Variants in THRB observed in about 807,000 individuals in gnomAD.
THRB encodes the protein nuclear receptor subfamily 1 group A member 2.
In THRB, 12 loss-of-function variants were observed where a neutral mutation model predicts 47.8. The observed-to-expected ratio is 0.25, with a 90% CI of 0.16 to 0.41. THRB has a LOEUF of 0.41. Among genes scored for constraint, THRB ranks in the 10% least tolerant of loss-of-function variants. The pLI is 1.00. For synonymous variants in THRB, 218 were observed against 212.2 expected (o/e 1.03, Z -0.24); for missense variants, 348 against 589.2 (o/e 0.59, Z 4.24).
At chr3:24,199,308 G>C (rs868489906) in intron 4 of THRB, among the ~76,000 whole-genome samples, 2 of 152,140 alleles carry the variant, frequency 1.3e-5, no homozygotes, top group Admixed American at 6.5e-5. Flanking sequence ...GCAAAGTCTT[G>C]CAAAATTAGC....
At chr3:24,329,921 T>G (rs1265919173) in intron 2 of THRB, among the ~76,000 whole-genome samples, 3 of 152,254 alleles carry the variant, frequency 2.0e-5, no homozygotes, top group African/African-American at 7.2e-5. Context: ...CAATGGAACC[T>G]AAGACACTGT....
intron 9 of THRB, among the ~76,000 whole-genome samples, chr3:24,129,514 G>A (rs2033475494): frequency 6.6e-6 from 1 of 152,220 alleles, no homozygotes; most frequent in Non-Finnish European, 1.5e-5. Context: ...AATACCAACT[G>A]TTGAAGATTA....
At chr3:24,391,708 C>T (rs1344761492) in intron 1 of THRB, among the ~76,000 whole-genome samples, 1 of 151,930 alleles carries the variant, frequency 6.6e-6, no homozygotes, top group Non-Finnish European at 1.5e-5. Context: ...TCAGCTGGTC[C>T]GTCCTCCATT....
chr3:24,330,326 A>C (rs538711326), intron 2 of THRB, among the ~76,000 whole-genome samples: 150 of 152,326 alleles, frequency 9.8e-4, no homozygotes, highest in African/African-American at 3.5e-3. Flanking sequence ...ATAAAAAAAA[A>C]AAGATTTCAT....
At chr3:24,354,365 A>C (rs374563705) in intron 1 of THRB, among the ~76,000 whole-genome samples, 8 of 152,294 alleles carry the variant, frequency 5.3e-5, no homozygotes, top group African/African-American at 1.7e-4. Flanking sequence ...TGTACCCTTG[A>C]ACTTAAGATA....
intron 3 of THRB, among the ~76,000 whole-genome samples, chr3:24,267,044 T>G (rs2052736130): frequency 6.7e-6 from 1 of 150,274 alleles, no homozygotes; most frequent in Non-Finnish European, 1.5e-5. Flanking sequence ...TTAAATAAAA[T>G]AAGATTAAAA....
intron 1 of THRB, among the ~76,000 whole-genome samples, chr3:24,474,219 G>A (rs1577849995): frequency 6.6e-6 from 1 of 151,816 alleles, no homozygotes; most frequent in Admixed American, 6.6e-5. Flanking sequence ...AATTTTCCTG[G>A]TTAACTGTTA....
chr3:24,415,178 T>G (rs2068638262), intron 1 of THRB, among the ~76,000 whole-genome samples: 1 of 151,860 alleles, frequency 6.6e-6, no homozygotes, highest in South Asian at 2.1e-4. Context: ...CTTCCAGTAA[T>G]GCAACTTGCT....
chr3:24,393,218 C>G (rs1326049902), intron 1 of THRB, among the ~76,000 whole-genome samples: 1 of 152,046 alleles, frequency 6.6e-6, no homozygotes, highest in Non-Finnish European at 1.5e-5. Flanking sequence ...TTCAGGGAGG[C>G]CCATGAAAGA....
At chr3:24,458,935 A>T (rs997066136) in intron 1 of THRB, 1 of 150,838 alleles carries the variant, frequency 6.6e-6, no homozygotes, top group South Asian at 2.1e-4. Context: ...ATATTTATGT[A>T]TTTATTATTT....
At chr3:24,183,991 C>T (rs922862134) in intron 5 of THRB, among the ~76,000 whole-genome samples, 17 of 152,074 alleles carry the variant, frequency 1.1e-4, no homozygotes, top group African/African-American at 2.2e-4. Context: ...CTTCTTATTC[C>T]GCCCTTTTCT....
intron 1 of THRB, among the ~76,000 whole-genome samples, chr3:24,360,150 A>G (rs2063962858): frequency 6.6e-6 from 1 of 152,092 alleles, no homozygotes; most frequent in Non-Finnish European, 1.5e-5. Flanking sequence ...AGCAACATTT[A>G]TTGATTATCT....
chr3:24,310,983 C>T (rs2057717799), intron 2 of THRB, among the ~76,000 whole-genome samples: 2 of 152,098 alleles, frequency 1.3e-5, no homozygotes, highest in Admixed American at 6.6e-5. Flanking sequence ...GGGATGATGT[C>T]ACAGACATTA....
intron 5 of THRB, among the ~76,000 whole-genome samples, chr3:24,177,343 C>T (rs977010451): frequency 3.4e-4 from 52 of 152,166 alleles, no homozygotes; most frequent in African/African-American, 1.2e-3. Context: ...TCATTGCAAG[C>T]CTAGACTCGA....
At chr3:24,331,089 A>G (rs2061896256) in intron 2 of THRB, among the ~76,000 whole-genome samples, 1 of 152,128 alleles carries the variant, frequency 6.6e-6, no homozygotes, top group South Asian at 2.1e-4. Flanking sequence ...CCAACTGTCA[A>G]CACCATAGAT....
At chr3:24,212,488 A>C (rs538992868) in intron 4 of THRB, among the ~76,000 whole-genome samples, 1 of 150,844 alleles carries the variant, frequency 6.6e-6, no homozygotes, top group African/African-American at 2.4e-5. Context: ...AGGCTGAGGA[A>C]AATCACTTGA....
At position 24,137,628 on chromosome 3, in the gene THRB, G is replaced by A. The variant is rs72619916; in HGVS notation, c.739-4166C>T. On this transcript the variant is annotated intron_variant, in intron 8 of 10. Coordinates refer to ENST00000646209, the MANE Select transcript of THRB (RefSeq NM_001354712.2). ...AGGAGGCCCGTGTGGTTAGAGCCCAGTGATGGCATGAAATGAGGAAGCAGA... is the reference window on the plus strand; with the variant it reads ...AGGAGGCCCGTGTGGTTAGAGCCCAATGATGGCATGAAATGAGGAAGCAGA... Among the ~76,000 whole-genome samples, 575 of 152,268 alleles carry A rather than the reference G, an allele frequency of 3.8e-3. 10 individuals carry two copies. In the East Asian group the frequency reaches 0.052, roughly 14 times the overall value.
intron 4 of THRB, among the ~76,000 whole-genome samples, chr3:24,196,378 C>T (rs1167684635): frequency 1.3e-5 from 2 of 152,120 alleles, no homozygotes; most frequent in Admixed American, 6.5e-5. Context: ...GCTTCTGGAA[C>T]TTTAGAGATG....
chr3:24,457,384 G>T (rs1307933072), intron 1 of THRB, among the ~76,000 whole-genome samples: 1 of 152,044 alleles, frequency 6.6e-6, no homozygotes, highest in African/African-American at 2.4e-5. Context: ...TGAACACTTG[G>T]CATTTGATTA....
Sources: gnomAD v4.1 joint callset for allele counts (sites outside exome capture counted in the v4.1 genomes callset) on GRCh38, gnomAD v4.1.1 for gene constraint, MANE v1.5 for transcripts, NCBI Gene and HGNC (gene_info 2026-07-23, HGNC 2026-07-21) for gene names.